Variants in LRP1B observed in about 807,000 individuals in gnomAD.
LRP1B encodes low-density lipoprotein receptor-related protein 1B.
Under a neutral mutation model 556.6 loss-of-function variants are expected in LRP1B, and 217 were observed. The ratio of observed to expected loss-of-function variants is 0.39; its 90% CI spans 0.35 to 0.44. The LOEUF (loss-of-function observed/expected upper bound fraction) is 0.44. LRP1B is among the 20% of genes least tolerant of loss of function. The pLI is 1.00. For missense variants in LRP1B, 5,053 were observed against 5,620.8 expected (o/e 0.90, Z 3.23); for synonymous variants, 2,047 against 1,865.8 (o/e 1.10, Z -2.50).
intron 25 of LRP1B, among the ~76,000 whole-genome samples, chr2:140,881,328 C>T (rs1176807745): frequency 6.6e-6 from 1 of 151,380 alleles, no homozygotes; most frequent in Admixed American, 6.6e-5. Context: ...TGTGAAAGGT[C>T]CAATATATTA....
chr2:141,263,855 T>C (rs1248287704), intron 3 of LRP1B, among the ~76,000 whole-genome samples: 1 of 152,048 alleles, frequency 6.6e-6, no homozygotes, highest in Non-Finnish European at 1.5e-5. Context: ...GATCACCCTA[T>C]CAATCAGTAC....
intron 7 of LRP1B, among the ~76,000 whole-genome samples, chr2:141,098,041 C>T (rs532370271): frequency 2.0e-5 from 3 of 152,138 alleles, no homozygotes; most frequent in South Asian, 4.1e-4. Flanking sequence ...CTTTCTCCAA[C>T]CTTGAAATGA....
chr2:141,662,190 A>C (rs1690245168), intron 2 of LRP1B, among the ~76,000 whole-genome samples: 1 of 152,224 alleles, frequency 6.6e-6, no homozygotes, highest in Admixed American at 6.5e-5. Context: ...AGCACTAAAT[A>C]TGAAAAGGAA....
chr2:140,894,519 A>T (rs1474950372), intron 23 of LRP1B, among the ~76,000 whole-genome samples: 1 of 118,262 alleles, frequency 8.5e-6, no homozygotes, highest in Non-Finnish European at 2.0e-5. Context: ...TGAGGTTGTG[A>T]GCCCTGAAGA....
At chr2:140,876,492 G>T (rs935931497) in intron 25 of LRP1B, among the ~76,000 whole-genome samples, 1 of 152,146 alleles carries the variant, frequency 6.6e-6, no homozygotes, top group South Asian at 2.1e-4. Context: ...CTGCAGTGGT[G>T]TGCTTTCCTC....
At chr2:141,863,278 G>T (rs184266712) in intron 1 of LRP1B, among the ~76,000 whole-genome samples, 66 of 152,290 alleles carry the variant, frequency 4.3e-4, no homozygotes, top group Admixed American at 7.2e-4. Context: ...CAAGGACTGA[G>T]CATAGTGGTA....
chr2:141,303,047 C>A lies in LRP1B; in HGVS notation c.344-48406G>T, dbSNP rs72981205. Among the ~76,000 whole-genome samples the A allele has an allele frequency of 3.6e-3, 547 of 152,078 alleles. 3 individuals are homozygous for A. Among genetic ancestry groups the A allele is most frequent in the African/African-American group, 0.012 (500 of 41,498 alleles). Reference sequence around the variant, plus strand: ...CAGATGTTTGTGAAAGACAAACAAGCTTTAACATGTTCCATATTCAATTTA... The same window carrying A: ...CAGATGTTTGTGAAAGACAAACAAGATTTAACATGTTCCATATTCAATTTA... On this transcript the variant is annotated intron_variant, in intron 3 of 90. Transcript: ENST00000389484.
At chr2:141,490,134 C>T (rs1574006534) in intron 2 of LRP1B, among the ~76,000 whole-genome samples, 1 of 152,068 alleles carries the variant, frequency 6.6e-6, no homozygotes, top group Non-Finnish European at 1.5e-5. Context: ...TTTAAATATC[C>T]TTTCTCTTTT....
intron 7 of LRP1B, among the ~76,000 whole-genome samples, chr2:141,120,108 G>A (rs555905862): frequency 1.3e-5 from 2 of 151,978 alleles, no homozygotes; most frequent in South Asian, 4.1e-4. Flanking sequence ...GGTTCTAGGA[G>A]GAAGAGCAGA....
chr2:141,212,666 G>A (rs1015504568), intron 6 of LRP1B, among the ~76,000 whole-genome samples: 2 of 151,940 alleles, frequency 1.3e-5, no homozygotes, highest in African/African-American at 4.8e-5. Context: ...AGGTGATGTA[G>A]ATCAAAAAGA....
At chr2:140,353,146 A>C in intron 75 of LRP1B, 74 bp from the exon 76 acceptor site, 1 of 1,507,410 alleles carries the variant, frequency 6.6e-7, no homozygotes, top group Non-Finnish European at 9.0e-7. Flanking sequence ...GTTTCAAAAA[A>C]GCCAAAATTA....
chr2:140,598,082 C>T (rs1014328280), intron 43 of LRP1B, among the ~76,000 whole-genome samples: 1 of 152,122 alleles, frequency 6.6e-6, no homozygotes, highest in Non-Finnish European at 1.5e-5. Flanking sequence ...GCCCTAAATA[C>T]CTGCTGTAAG....
chr2:142,075,106 A>G (rs749458658), intron 1 of LRP1B, among the ~76,000 whole-genome samples: 1 of 152,160 alleles, frequency 6.6e-6, no homozygotes, highest in Non-Finnish European at 1.5e-5. Context: ...TATCTTATTC[A>G]ACACTTAATG....
intron 72 of LRP1B, among the ~76,000 whole-genome samples, chr2:140,360,438 C>T (rs142144122): frequency 6.6e-6 from 1 of 151,564 alleles, no homozygotes; most frequent in South Asian, 2.1e-4. Context: ...TTTCCTACTA[C>T]AGCTTCCATA....
intron 3 of LRP1B, among the ~76,000 whole-genome samples, chr2:141,283,676 A>G (rs552961600): frequency 1.7e-3 from 254 of 146,286 alleles, no homozygotes; most frequent in African/African-American, 6.1e-3. Flanking sequence ...GCTCACTGCA[A>G]CCTCCACCAC....
chr2:140,377,001 T>C (rs991910464), intron 68 of LRP1B, among the ~76,000 whole-genome samples: 1 of 152,140 alleles, frequency 6.6e-6, no homozygotes, highest in Admixed American at 6.6e-5. Context: ...TGAGTACATA[T>C]GCTTCTCAAC....
chr2:141,932,205 A>G (rs959258865), intron 1 of LRP1B, among the ~76,000 whole-genome samples: 1 of 152,066 alleles, frequency 6.6e-6, no homozygotes, highest in Non-Finnish European at 1.5e-5. Context: ...GTAGTACTTC[A>G]TATTTCTTGA....
At chr2:141,194,221 C>T (rs1026046638) in intron 6 of LRP1B, among the ~76,000 whole-genome samples, 1 of 152,014 alleles carries the variant, frequency 6.6e-6, no homozygotes, top group Non-Finnish European at 1.5e-5. Context: ...TTGACATATG[C>T]TCTCTATATA....
chr2:141,060,830 C>A (rs1010052161), intron 8 of LRP1B, among the ~76,000 whole-genome samples: 2 of 151,638 alleles, frequency 1.3e-5, no homozygotes, highest in African/African-American at 4.8e-5. Flanking sequence ...TTGCCTTCAG[C>A]CCCAGTACTT....
Sources: allele counts gnomAD v4.1 joint callset (sites outside exome capture counted in the v4.1 genomes callset), GRCh38; gene constraint gnomAD v4.1.1; transcripts MANE v1.5; gene names NCBI Gene and HGNC (gene_info 2026-07-23, HGNC 2026-07-21).